The following CATSPERB variants were observed in gnomAD, a reference collection of about 807,000 sequenced individuals.
The protein encoded by CATSPERB is catsper channel auxiliary subunit beta, also known as cation channel sperm-associated auxiliary subunit beta.
In CATSPERB, 93 loss-of-function variants were observed where a neutral mutation model predicts 128.3. That is an observed-to-expected ratio of 0.72 (90% CI 0.61 to 0.86). The LOEUF is 0.86. CATSPERB is among the 40% of genes least tolerant of loss of function. The pLI is 0.00. For synonymous variants in CATSPERB, 381 were observed against 448.8 expected (o/e 0.85, Z 1.91); for missense variants, 1,153 against 1,329.5 (o/e 0.87, Z 2.06).
chr14:91,621,731 T>G lies in CATSPERB; in HGVS notation c.2137A>C (p.Ile713Leu), dbSNP rs759546879. The G allele has an allele frequency of 1.2e-5, 19 of 1,613,934 alleles. No individual in the cohort carries two copies. The highest frequency in any genetic ancestry group is 1.6e-5 in the Non-Finnish European group (19 of 1,179,904). ...CAATAATTACATGGTTTTGAATATA[T>G]TTTCCATGTTCGTCCATTCCTTTGC... ...FGQRNGRTWK[I>L]YSKPCNYWFQ... The change falls in exon 19 of 27, where the codon ATA becomes CTA. Residue 713 changes from isoleucine to leucine, a missense_variant. Transcript: ENST00000256343.
Position 91,644,117 on chromosome 14 carries a change from A to G in CATSPERB, c.1433-4867T>C, listed in dbSNP as rs928308307. Among the ~76,000 whole-genome samples the G allele has an allele frequency of 8.4e-4, 112 of 133,076 alleles. 6 individuals are homozygous for G. Among genetic ancestry groups the G allele is most frequent in the African/African-American group, 2.8e-3 (99 of 35,190 alleles). The allele number at this position is 133,076 out of a possible 152,430, so 87.3% of individuals were successfully genotyped here. A position where few individuals can be genotyped will look rare whatever the true frequency, so the allele number is the denominator to read the frequency against. On this transcript the variant is annotated intron_variant, in intron 15 of 26. Coordinates refer to ENST00000256343, the MANE Select transcript of CATSPERB (RefSeq NM_024764.4). ...GCCTATGTGTGTCTCTGCACGTGAGATGGGTTTCCTGAATACAGCACACTG... is the reference window on the plus strand; with the variant it reads ...GCCTATGTGTGTCTCTGCACGTGAGGTGGGTTTCCTGAATACAGCACACTG...
At chr14:91,669,742 T>C in intron 14 of CATSPERB, 72 bp downstream of exon 14, 1 of 1,403,408 alleles carries the variant, frequency 7.1e-7, no homozygotes, top group South Asian at 1.5e-5. Context: ...CTGTTCTTAA[T>C]GTACAGCCAT....
chr14:91,706,597 G>A (rs1430689999), intron 6 of CATSPERB, among the ~76,000 whole-genome samples: 1 of 152,196 alleles, frequency 6.6e-6, no homozygotes, highest in Admixed American at 6.5e-5. Context: ...AAACAAATGA[G>A]TGGTTTGGGG....
chr14:91,668,734 G>A (rs1895033071), intron 14 of CATSPERB, among the ~76,000 whole-genome samples: 1 of 151,222 alleles, frequency 6.6e-6, no homozygotes, highest in African/African-American at 2.4e-5. Flanking sequence ...AAACAACTCT[G>A]GACGTGCCAC....
Position 91,723,688 on chromosome 14 carries a change from CCTAT to C in CATSPERB, c.169-503_169-500del, listed in dbSNP as rs112241296. Among the ~76,000 whole-genome samples, 928 of 152,210 alleles carry C rather than the reference CCTAT, an allele frequency of 6.1e-3. 14 individuals are homozygous for C. Among genetic ancestry groups the C allele is most frequent in the African/African-American group, 0.021 (871 of 41,536 alleles). ...ACTTAAGATCGCTTTGGGCAAGTTC[CCTAT>C]CTGAGTTTTAGTTTCCCTAATCTAA... On this transcript the variant is annotated intron_variant, in intron 3 of 26. Transcript: ENST00000256343.
chr14:91,685,041 C>G (rs1209095399), intron 10 of CATSPERB, among the ~76,000 whole-genome samples: 1 of 152,136 alleles, frequency 6.6e-6, no homozygotes, highest in African/African-American at 2.4e-5. Context: ...ATCCTCCCGC[C>G]TCAGCCTCCC....
At chr14:91,696,516 TGTA>T (rs1895565387) in intron 7 of CATSPERB, among the ~76,000 whole-genome samples, 1 of 152,150 alleles carries the variant, frequency 6.6e-6, no homozygotes, top group South Asian at 2.1e-4. Context: ...GAGTCTGATT[TGTA>T]GTGGAAAGAA....
chr14:91,608,324 G>A lies in CATSPERB; in HGVS notation c.2679C>T (p.Pro893=), dbSNP rs1225349422. 1 of 1,610,288 alleles carries A rather than the reference G, an allele frequency of 6.2e-7. No homozygotes were observed. Among genetic ancestry groups the A allele is most frequent in the Non-Finnish European group, 8.5e-7 (1 of 1,176,948 alleles). ...ACATGTGAAACATGTTTCTTGGTATGGGTTTGCTAGGATCTGCATGATAAA... is the reference window on the plus strand; with the variant it reads ...ACATGTGAAACATGTTTCTTGGTATAGGTTTGCTAGGATCTGCATGATAAA... ...DNFYHADPSK[P]IPRNMFHMSK... is the part of the protein sequence containing the mutation. Residue 893 remains proline, a synonymous_variant, in exon 22 of 27, where the codon CCC becomes CCT. Coordinates refer to ENST00000256343, the MANE Select transcript of CATSPERB (RefSeq NM_024764.4).
intron 10 of CATSPERB, among the ~76,000 whole-genome samples, 172 bp from the exon 11 acceptor site, chr14:91,684,115 T>A (rs1002402104): frequency 6.6e-6 from 1 of 152,182 alleles, no homozygotes; most frequent in Non-Finnish European, 1.5e-5. Context: ...GAAACAGGAA[T>A]ATACATTTTG....
intron 14 of CATSPERB, among the ~76,000 whole-genome samples, chr14:91,664,677 A>G (rs1433850192): frequency 6.6e-6 from 1 of 152,138 alleles, no homozygotes; most frequent in Non-Finnish European, 1.5e-5. Flanking sequence ...CAACCCTCAC[A>G]TCCAACTGGA....
intron 17 of CATSPERB, among the ~76,000 whole-genome samples, chr14:91,628,070 T>A (rs1370908591): frequency 6.6e-6 from 1 of 152,212 alleles, no homozygotes; most frequent in Non-Finnish European, 1.5e-5. Flanking sequence ...GGCAAAGAGT[T>A]TTTCTTGTGC....
At chr14:91,712,396 A>G (rs1895854724) in intron 5 of CATSPERB, among the ~76,000 whole-genome samples, 2 of 152,208 alleles carry the variant, frequency 1.3e-5, no homozygotes, top group African/African-American at 4.8e-5. Context: ...TTTTAAAAAG[A>G]TTAATAAAAA....
At chr14:91,692,239 T>A (rs1184916564) in intron 9 of CATSPERB, among the ~76,000 whole-genome samples, 1 of 150,230 alleles carries the variant, frequency 6.7e-6, no homozygotes, top group Non-Finnish European at 1.5e-5. Context: ...CCCATTTGGG[T>A]TTAGGAAGGC....
chr14:91,655,585 A>C (rs1211616589), intron 15 of CATSPERB, among the ~76,000 whole-genome samples: 2 of 152,246 alleles, frequency 1.3e-5, no homozygotes, highest in Admixed American at 1.3e-4. Context: ...AGAATTGATA[A>C]AGCAGAATAA....
chr14:91,631,207 CA>C (rs1426422974), intron 17 of CATSPERB, among the ~76,000 whole-genome samples: 1 of 152,150 alleles, frequency 6.6e-6, no homozygotes, highest in African/African-American at 2.4e-5. Flanking sequence ...TCTTGTTTAC[CA>C]CTATATTCCC....
intron 20 of CATSPERB, among the ~76,000 whole-genome samples, chr14:91,616,153 T>C (rs1893932255): frequency 1.3e-5 from 2 of 152,210 alleles, no homozygotes; most frequent in African/African-American, 2.4e-5. Flanking sequence ...AGTGCTGGGA[T>C]TGCAGGCGTG....
intron 5 of CATSPERB, among the ~76,000 whole-genome samples, chr14:91,708,449 C>A: frequency 6.6e-6 from 1 of 152,088 alleles, no homozygotes; most frequent in East Asian, 1.9e-4. Flanking sequence ...ACCACCATAG[C>A]AATGAATCTA....
chr14:91,696,695 A>C (rs1253480050), intron 7 of CATSPERB, among the ~76,000 whole-genome samples: 2 of 152,212 alleles, frequency 1.3e-5, no homozygotes, highest in African/African-American at 2.4e-5. Context: ...TAACGGATAC[A>C]ATCCAGTGAG....
Position 91,649,385 on chromosome 14 carries a change from C to G in CATSPERB, c.1433-10135G>C, listed in dbSNP as rs574185450. Among the ~76,000 whole-genome samples the G allele has an allele frequency of 7.3e-5, 11 of 151,434 alleles. No individual in the cohort carries two copies. The South Asian group carries it at 2.3e-3, about 32-fold the overall frequency. ...TGTAGAGATTGTTGCCCCGGCTGGT[C>G]TTGAACTCCTGCGCTCAAGTGATGC... On this transcript the variant is annotated intron_variant, in intron 15 of 26. Transcript: ENST00000256343.
Sources: gnomAD v4.1 joint callset for allele counts (sites outside exome capture counted in the v4.1 genomes callset) on GRCh38, gnomAD v4.1.1 for gene constraint, MANE v1.5 for transcripts, NCBI Gene and HGNC (gene_info 2026-07-23, HGNC 2026-07-21) for gene names.